ATP11A: variants seen among roughly 807,000 people sequenced by gnomAD.
The protein encoded by ATP11A is phospholipid-transporting ATPase IH.
In ATP11A, 81 loss-of-function variants were observed where a neutral mutation model predicts 154.4. The observed-to-expected ratio is 0.52, with a 90% CI of 0.44 to 0.63. ATP11A has a LOEUF of 0.63. ATP11A is among the 30% of genes least tolerant of loss of function. The probability of loss-of-function intolerance (pLI) is 0.00; values close to 1 mark genes in which losing one functional copy is unlikely to be tolerated. For missense variants in ATP11A, 1,316 were observed against 1,474.3 expected (o/e 0.89, Z 1.76); for synonymous variants, 623 against 585.9 (o/e 1.06, Z -0.91).
intron 1 of ATP11A, among the ~76,000 whole-genome samples, chr13:112,719,948 A>C (rs1888964704): frequency 6.6e-6 from 1 of 152,218 alleles, no homozygotes; most frequent in South Asian, 2.1e-4. Context: ...TAAGAAAGTC[A>C]TATCCCAAGT....
At position 112,825,538 on chromosome 13, in the gene ATP11A, G is replaced by A. The variant is rs150428388; in HGVS notation, c.981G>A (p.Pro327=). 139 of 1,613,790 alleles carry A rather than the reference G, an allele frequency of 8.6e-5. No homozygotes were observed. The highest frequency in any genetic ancestry group is 1.8e-4 in the East Asian group (8 of 44,892). The part of the protein sequence containing the change: ...MWQSEPFRDE[P]WYNQKTESER... ...AGAGTGAGCCCTTTCGGGATGAGCC[G>A]TGGTATAATCAGAAAACGGAGTCGG... is the stretch of plus-strand genomic sequence containing the variant. Residue 327 remains proline, a synonymous_variant, in exon 11 of 30, where the codon CCG becomes CCA. Transcript: ENST00000375645.
At chr13:112,705,093 A>T (rs1014648579) in intron 1 of ATP11A, among the ~76,000 whole-genome samples, 1 of 152,250 alleles carries the variant, frequency 6.6e-6, no homozygotes, top group African/African-American at 2.4e-5. Flanking sequence ...GAGACAAACC[A>T]TTAAAATATT....
chr13:112,790,128 ATCCCTGTGG>A (rs2077805332), intron 2 of ATP11A, among the ~76,000 whole-genome samples: 2 of 140,728 alleles, frequency 1.4e-5, no homozygotes, highest in Non-Finnish European at 3.2e-5. Context: ...TGATATGTAG[ATCCCTGTGG>A]AGACCTACTT....
At chr13:112,767,609 A>G (rs1178041597) in intron 1 of ATP11A, among the ~76,000 whole-genome samples, 9 of 151,938 alleles carry the variant, frequency 5.9e-5, no homozygotes, top group Admixed American at 5.9e-4. Flanking sequence ...CTGTCTGATC[A>G]TCTGCACATA....
intron 2 of ATP11A, among the ~76,000 whole-genome samples, chr13:112,790,959 T>A (rs1477527036): frequency 6.6e-6 from 1 of 152,234 alleles, no homozygotes; most frequent in Non-Finnish European, 1.5e-5. Context: ...AGATAAGTCC[T>A]GTGGGTGGTT....
chr13:112,856,386 A>T, intron 20 of ATP11A: 1 of 193,648 alleles, frequency 5.2e-6, no homozygotes, highest in Non-Finnish European at 1.0e-5. Flanking sequence ...CACTCCTGAG[A>T]ATCTACACTA....
chr13:112,725,934 C>G (rs1414986874), intron 1 of ATP11A, among the ~76,000 whole-genome samples: 1 of 152,244 alleles, frequency 6.6e-6, no homozygotes, highest in Non-Finnish European at 1.5e-5. Flanking sequence ...GCCCTCAGAG[C>G]AAGGTGCTGG....
chr13:112,832,476 G>A (rs1267366908), intron 13 of ATP11A, among the ~76,000 whole-genome samples: 3 of 152,184 alleles, frequency 2.0e-5, no homozygotes, highest in East Asian at 3.9e-4. Flanking sequence ...CAGGCACCAG[G>A]GCAGAGGCAC....
At chr13:112,810,999 T>G (rs1030498094) in intron 5 of ATP11A, among the ~76,000 whole-genome samples, 1 of 151,704 alleles carries the variant, frequency 6.6e-6, no homozygotes, top group Non-Finnish European at 1.5e-5. Flanking sequence ...TTATTTTCTT[T>G]GGCAAAACAG....
chr13:112,791,693 C>T (rs1480310239), intron 2 of ATP11A, among the ~76,000 whole-genome samples: 4 of 152,172 alleles, frequency 2.6e-5, no homozygotes, highest in African/African-American at 7.2e-5. Flanking sequence ...TGGCTTCGCT[C>T]CGCCTGGCCC....
chr13:112,755,400 G>A (rs972988008), intron 1 of ATP11A, among the ~76,000 whole-genome samples: 1 of 152,160 alleles, frequency 6.6e-6, no homozygotes, highest in South Asian at 2.1e-4. Flanking sequence ...TCTTGTCTGC[G>A]TCCCTTGTAG....
intron 2 of ATP11A, among the ~76,000 whole-genome samples, chr13:112,794,839 G>T (rs1050178373): frequency 6.6e-6 from 1 of 152,026 alleles, no homozygotes; most frequent in Non-Finnish European, 1.5e-5. Flanking sequence ...ACGCACTCCA[G>T]CCTGGGTGAC....
chr13:112,732,666 G>A (rs1216719682), intron 1 of ATP11A, among the ~76,000 whole-genome samples: 2 of 152,176 alleles, frequency 1.3e-5, no homozygotes, highest in Admixed American at 1.3e-4. Flanking sequence ...GGCCGGAGTG[G>A]AGTGGTGCGA....
Position 112,882,173 on chromosome 13 carries a change from G to A in ATP11A, c.*307G>A. ...CTCGAGCATGGCACCCTGGCCGCCT[G>A]GACCCAGCACTGTGGTTGTTGAGCC... On this transcript the variant is annotated 3_prime_UTR_variant, in exon 30 of 30. Transcript: ENST00000375645. This position sits in a 1 kb window ranked among gnomAD's most constrained non-coding sequence, Gnocchi z 5.1. 1.6e-6 allele frequency: 2 copies of A among 1,275,820 alleles called. No individual in the cohort carries two copies. Among genetic ancestry groups the A allele is most frequent in the Non-Finnish European group, 2.1e-6 (2 of 970,856 alleles). The allele number at this position is 1,275,820 out of a possible 1,614,324, so 79.0% of individuals were successfully genotyped here.
chr13:112,770,459 G>T (rs555251699), intron 1 of ATP11A, among the ~76,000 whole-genome samples: 13 of 152,356 alleles, frequency 8.5e-5, no homozygotes, highest in African/African-American at 2.9e-4. Context: ...TGTGACGAGA[G>T]TGGGGAGAAC....
chr13:112,770,048 C>G (rs747766369), intron 1 of ATP11A, among the ~76,000 whole-genome samples: 1 of 152,216 alleles, frequency 6.6e-6, no homozygotes, highest in East Asian at 1.9e-4. Flanking sequence ...CAATCCTGGA[C>G]GTGCTGTGGG....
intron 1 of ATP11A, among the ~76,000 whole-genome samples, chr13:112,706,654 G>A (rs1469513941): frequency 3.3e-5 from 5 of 152,160 alleles, no homozygotes; most frequent in Non-Finnish European, 1.5e-5. Context: ...AAAATTGTTG[G>A]TTCTGTGAAA....
chr13:112,710,944 GC>G, intron 1 of ATP11A, among the ~76,000 whole-genome samples: 1 of 150,630 alleles, frequency 6.6e-6, no homozygotes, highest in East Asian at 2.0e-4. Flanking sequence ...GGAGGGCAGG[GC>G]CCCTGCCAAC....
chr13:112,700,654 G>A (rs992511083), intron 1 of ATP11A, among the ~76,000 whole-genome samples: 2 of 152,246 alleles, frequency 1.3e-5, no homozygotes, highest in Non-Finnish European at 2.9e-5. Flanking sequence ...TGTGCCTGTT[G>A]TCCCCACATC....
Sources: allele counts gnomAD v4.1 joint callset (sites outside exome capture counted in the v4.1 genomes callset), GRCh38; gene constraint gnomAD v4.1.1; non-coding constraint Gnocchi (gnomAD v3.1); transcripts MANE v1.5; gene names NCBI Gene and HGNC (gene_info 2026-07-23, HGNC 2026-07-21).